TUNAR: variants seen among roughly 807,000 people sequenced by gnomAD.
TUNAR encodes transmembrane neural differentiation associated intracellular calcium regulator.
chr14:95,899,571 A>T (rs945778792), intron 2 of TUNAR, among the ~76,000 whole-genome samples: 1 of 152,166 alleles, frequency 6.6e-6, no homozygotes, highest in Non-Finnish European at 1.5e-5. Flanking sequence ...TAAACTACAC[A>T]CATTTATTTC....
At chr14:95,903,640 C>T (rs1889388323) in intron 2 of TUNAR, among the ~76,000 whole-genome samples, 1 of 152,238 alleles carries the variant, frequency 6.6e-6, no homozygotes, top group Admixed American at 6.5e-5. Flanking sequence ...TTCCCGTTAC[C>T]TATTGCTGTG....
intron 2 of TUNAR, among the ~76,000 whole-genome samples, chr14:95,888,810 G>C (rs1020739072): frequency 1.4e-4 from 20 of 138,914 alleles, no homozygotes; most frequent in Non-Finnish European, 9.9e-5. Context: ...GAGGGGATGG[G>C]GGGGGCAGTT....
chr14:95,912,771 G>A (rs1033960461), intron 2 of TUNAR, among the ~76,000 whole-genome samples: 5 of 152,066 alleles, frequency 3.3e-5, no homozygotes, highest in East Asian at 1.9e-4. Flanking sequence ...TTATCACATC[G>A]TGGGCATCTT....
intron 2 of TUNAR, among the ~76,000 whole-genome samples, chr14:95,900,619 T>G (rs1299926178): frequency 1.3e-5 from 2 of 152,164 alleles, no homozygotes; most frequent in Non-Finnish European, 2.9e-5. Context: ...GGGGAGTAAA[T>G]GAGCCAGCCA....
chr14:95,904,387 G>A (rs1267543532), intron 2 of TUNAR, among the ~76,000 whole-genome samples: 1 of 152,164 alleles, frequency 6.6e-6, no homozygotes, highest in African/African-American at 2.4e-5. Context: ...CAGTGGGAGG[G>A]AGTGGGAGAG....
chr14:95,907,650 A>G lies in TUNAR; in HGVS notation c.13-15131A>G, dbSNP rs1017332109. Among the ~76,000 whole-genome samples, 4 of 152,198 alleles carry G rather than the reference A, an allele frequency of 2.6e-5. No individual in the cohort carries two copies. The East Asian group carries it at 5.8e-4, about 22-fold the overall frequency. ...TACAACAGCTCAGAGGAGATCTGCA[A>G]TGGGTAGCTCCTCTCTGTAGGCAGG... On this transcript the variant is annotated intron_variant, in intron 2 of 2. Transcript: ENST00000678517.
chr14:95,880,880 C>G (rs1888968548), intron 2 of TUNAR, among the ~76,000 whole-genome samples: 1 of 152,196 alleles, frequency 6.6e-6, no homozygotes, highest in Non-Finnish European at 1.5e-5. Flanking sequence ...ACACTTTGTC[C>G]TTGCAACTCT....
At chr14:95,906,562 G>A (rs150705872) in intron 2 of TUNAR, among the ~76,000 whole-genome samples, 224 of 152,354 alleles carry the variant, frequency 1.5e-3, no homozygotes, top group African/African-American at 4.3e-3. Flanking sequence ...GTAGGTGATA[G>A]CGTTTGTGTA....
intron 2 of TUNAR, among the ~76,000 whole-genome samples, chr14:95,899,432 C>T (rs750517682): frequency 2.0e-5 from 3 of 152,142 alleles, no homozygotes; most frequent in East Asian, 1.9e-4. Context: ...CCTGGGTCCC[C>T]GAGGCTTGGT....
chr14:95,891,873 G>A (rs1156505371), intron 2 of TUNAR, among the ~76,000 whole-genome samples: 2 of 152,202 alleles, frequency 1.3e-5, no homozygotes, highest in Non-Finnish European at 2.9e-5. Flanking sequence ...GTTGCTGGTG[G>A]TTGCCTGCAA....
intron 2 of TUNAR, among the ~76,000 whole-genome samples, chr14:95,882,188 C>T (rs1279471112): frequency 6.6e-6 from 1 of 152,198 alleles, no homozygotes; most frequent in African/African-American, 2.4e-5. Context: ...CGGTGCGGCC[C>T]ATGGAATCTG....
At chr14:95,887,382 T>C (rs974093673) in intron 2 of TUNAR, among the ~76,000 whole-genome samples, 2 of 152,198 alleles carry the variant, frequency 1.3e-5, no homozygotes, top group African/African-American at 4.8e-5. Context: ...CTGGCTGAGC[T>C]TTTGGGGCAG....
chr14:95,908,641 GAGTT>G (rs1889463642), intron 2 of TUNAR, among the ~76,000 whole-genome samples: 2 of 152,224 alleles, frequency 1.3e-5, no homozygotes, highest in African/African-American at 4.8e-5. Flanking sequence ...CTTGGTCACA[GAGTT>G]AGTTGGGATC....
intron 2 of TUNAR, among the ~76,000 whole-genome samples, chr14:95,883,569 G>A (rs11844473): frequency 0.027 from 4,139 of 152,326 alleles, 181 homozygotes; most frequent in African/African-American, 0.093. Flanking sequence ...TAGGCCTGGG[G>A]CGTCACCCTC....
At chr14:95,903,389 A>G (rs2139663887) in intron 2 of TUNAR, among the ~76,000 whole-genome samples, 1 of 152,274 alleles carries the variant, frequency 6.6e-6, no homozygotes, top group South Asian at 2.1e-4. Context: ...GCAGAAAGAG[A>G]TGATGACATC....
chr14:95,882,652 A>G (rs138602350), intron 2 of TUNAR, among the ~76,000 whole-genome samples: 3 of 152,258 alleles, frequency 2.0e-5, no homozygotes, highest in African/African-American at 7.2e-5. Context: ...GGGTCAGTGT[A>G]TTTCCAGGTG....
chr14:95,890,362 G>T (rs758677972), intron 2 of TUNAR, among the ~76,000 whole-genome samples: 42 of 152,214 alleles, frequency 2.8e-4, no homozygotes, highest in Admixed American at 7.8e-4. Context: ...CCAAACAATG[G>T]TCACCCCAGT....
chr14:95,894,661 T>C (rs1297501761), intron 2 of TUNAR, among the ~76,000 whole-genome samples: 1 of 152,166 alleles, frequency 6.6e-6, no homozygotes, highest in Admixed American at 6.5e-5. Context: ...GGTCTATAGA[T>C]TGTTGGAATG....
chr14:95,908,455 C>T (rs972641578), intron 2 of TUNAR, among the ~76,000 whole-genome samples: 1 of 152,328 alleles, frequency 6.6e-6, no homozygotes, highest in Admixed American at 6.5e-5. Flanking sequence ...CCCATCTGTC[C>T]TCTTAGCATC....
Sources: allele counts gnomAD v4.1 joint callset (sites outside exome capture counted in the v4.1 genomes callset), GRCh38; gene constraint gnomAD v4.1.1; transcripts MANE v1.5; gene names NCBI Gene and HGNC (gene_info 2026-07-23, HGNC 2026-07-21).